Variants in PKNOX2 observed in about 807,000 individuals in gnomAD.
The protein encoded by PKNOX2 is homeobox protein PKNOX2.
A neutral mutation model predicts 53.1 loss-of-function variants in PKNOX2; 14 were observed. The observed-to-expected ratio is 0.26, with a 90% CI of 0.17 to 0.41. The LOEUF (loss-of-function observed/expected upper bound fraction) is 0.41. Ranked by LOEUF, PKNOX2 falls within the 10% of genes least tolerant of loss-of-function variation. PKNOX2 has a pLI of 1.00. For missense variants in PKNOX2, 496 were observed against 602.8 expected (o/e 0.82, Z 1.85); for synonymous variants, 257 against 242.8 (o/e 1.06, Z -0.54).
chr11:125,323,175 C>G (rs75210367), intron 2 of PKNOX2, among the ~76,000 whole-genome samples: 1 of 152,054 alleles, frequency 6.6e-6, no homozygotes, highest in Non-Finnish European at 1.5e-5. Context: ...GTGAGTTTCT[C>G]GGTGCCAATT....
intron 9 of PKNOX2, chr11:125,411,418 A>G (rs1413545730): frequency 7.2e-6 from 3 of 419,428 alleles, no homozygotes; most frequent in Non-Finnish European, 9.0e-6. Flanking sequence ...TGGCAAATTC[A>G]TATCTTCTCC....
chr11:125,295,395 A>G (rs1435186159), intron 2 of PKNOX2, among the ~76,000 whole-genome samples: 2 of 152,216 alleles, frequency 1.3e-5, no homozygotes, highest in African/African-American at 4.8e-5. Context: ...ATTCATGTGG[A>G]TCAAATCCAT....
chr11:125,299,266 C>T (rs1219708260), intron 2 of PKNOX2, among the ~76,000 whole-genome samples: 3 of 152,144 alleles, frequency 2.0e-5, no homozygotes, highest in African/African-American at 7.2e-5. Flanking sequence ...TGAACACCTC[C>T]CGCCCAGCCC....
At chr11:125,252,034 A>C (rs772347099) in intron 2 of PKNOX2, among the ~76,000 whole-genome samples, 2 of 152,152 alleles carry the variant, frequency 1.3e-5, no homozygotes, top group Non-Finnish European at 2.9e-5. Flanking sequence ...GACAGCTGAC[A>C]AGTAAGCAGG....
chr11:125,304,282 T>C (rs1028526847), intron 2 of PKNOX2, among the ~76,000 whole-genome samples: 15 of 152,372 alleles, frequency 9.8e-5, no homozygotes, highest in African/African-American at 3.1e-4. Context: ...TCCCCTTCCC[T>C]GGAAACCCCC....
chr11:125,278,549 A>G (rs1467533024), intron 2 of PKNOX2, among the ~76,000 whole-genome samples: 4 of 152,216 alleles, frequency 2.6e-5, no homozygotes, highest in Non-Finnish European at 5.9e-5. Context: ...TGGAGGGCAC[A>G]GCAGCCTGGG....
chr11:125,219,839 C>T (rs537152558), intron 1 of PKNOX2, among the ~76,000 whole-genome samples: 5 of 152,286 alleles, frequency 3.3e-5, no homozygotes, highest in Admixed American at 2.6e-4. Flanking sequence ...AGGGCCATTT[C>T]GAATATCATC....
intron 4 of PKNOX2, among the ~76,000 whole-genome samples, chr11:125,364,073 C>G (rs867583594): frequency 6.6e-6 from 1 of 152,220 alleles, no homozygotes; most frequent in Admixed American, 6.5e-5. Context: ...TGAGCCTACT[C>G]TTTAGGCTGT....
chr11:125,222,696 ATGTG>A (rs930186315), intron 1 of PKNOX2, among the ~76,000 whole-genome samples: 1 of 108,824 alleles, frequency 9.2e-6, no homozygotes, highest in African/African-American at 4.1e-5. Flanking sequence ...ATGTGTGTGT[ATGTG>A]TGTGTGTGCT....
At chr11:125,216,044 C>T (rs1057031335) in intron 1 of PKNOX2, among the ~76,000 whole-genome samples, 1 of 152,216 alleles carries the variant, frequency 6.6e-6, no homozygotes, top group African/African-American at 2.4e-5. Flanking sequence ...GATTTCAGAA[C>T]ACTAGATCCT....
rs1309366867 is a variant in PKNOX2, at chr11:125,359,918, T to G, written c.88-7928T>G. ...TTTATATTTTTAGTAGAGATGGAGG[T>G]TCTCCATGTTGGTCAGGCTGGTCTC... On this transcript the variant is annotated intron_variant, in intron 4 of 12. Transcript: ENST00000298282. Among the ~76,000 whole-genome samples, 7 of 151,328 alleles carry G rather than the reference T, an allele frequency of 4.6e-5. No homozygotes were observed. In the East Asian group the frequency reaches 7.8e-4, roughly 17 times the overall value.
chr11:125,219,611 C>T (rs940928886), intron 1 of PKNOX2, among the ~76,000 whole-genome samples: 6 of 152,070 alleles, frequency 3.9e-5, no homozygotes, highest in Admixed American at 3.3e-4. Flanking sequence ...TATGAACAGA[C>T]TATTCACAGA....
chr11:125,325,279 T>A (rs1270713253), intron 2 of PKNOX2, among the ~76,000 whole-genome samples: 1 of 152,196 alleles, frequency 6.6e-6, no homozygotes, highest in African/African-American at 2.4e-5. Flanking sequence ...TTGATCCTGA[T>A]GCTAGGCCAG....
At chr11:125,399,135 C>T (rs1954586369) in intron 7 of PKNOX2, among the ~76,000 whole-genome samples, 1 of 152,270 alleles carries the variant, frequency 6.6e-6, no homozygotes, top group Non-Finnish European at 1.5e-5. Flanking sequence ...GGTATCACAT[C>T]CAACCCACCC....
At chr11:125,181,705 G>A (rs1056762338) in intron 1 of PKNOX2, among the ~76,000 whole-genome samples, 5 of 152,186 alleles carry the variant, frequency 3.3e-5, no homozygotes, top group African/African-American at 7.2e-5. Flanking sequence ...GAATCTCTTG[G>A]TGAGCCCCTC....
rs547849640 is a variant in PKNOX2 at position 125,270,795 on chromosome 11, A to G, written c.-130+35680A>G. On this transcript the variant is annotated intron_variant, in intron 2 of 12. Transcript: ENST00000298282. Reference sequence around the variant, plus strand: ...CACTCTGCATTTCATGTTTCCCAGGATAGGATGGCGGGAGGAAACTTGGAA... The same window carrying G: ...CACTCTGCATTTCATGTTTCCCAGGGTAGGATGGCGGGAGGAAACTTGGAA... 6.6e-5 allele frequency among the ~76,000 whole-genome samples: 10 copies of G among 152,218 alleles called. No homozygotes were observed. The South Asian group carries it at 1.7e-3, about 25-fold the overall frequency.
chr11:125,371,740 C>T (rs531321885), intron 5 of PKNOX2, among the ~76,000 whole-genome samples: 3 of 152,150 alleles, frequency 2.0e-5, no homozygotes, highest in South Asian at 2.1e-4. Context: ...GAACCAGGGA[C>T]GCGGAGGTGC....
chr11:125,421,192 C>T (rs139933372), intron 10 of PKNOX2, among the ~76,000 whole-genome samples: 202 of 152,296 alleles, frequency 1.3e-3, no homozygotes, highest in African/African-American at 4.4e-3. Context: ...GGTCAACCCA[C>T]GACGTAATCA....
At chr11:125,275,001 G>A (rs1209344205) in intron 2 of PKNOX2, among the ~76,000 whole-genome samples, 1 of 152,230 alleles carries the variant, frequency 6.6e-6, no homozygotes, top group Non-Finnish European at 1.5e-5. Flanking sequence ...GATGCCTACT[G>A]TGTGCAAGGC....
Sources: gnomAD v4.1 joint callset for allele counts (sites outside exome capture counted in the v4.1 genomes callset) on GRCh38, gnomAD v4.1.1 for gene constraint, MANE v1.5 for transcripts, NCBI Gene and HGNC (gene_info 2026-07-23, HGNC 2026-07-21) for gene names.